Variants in MEIS2 observed in about 807,000 individuals in gnomAD.
MEIS2 encodes homeobox protein Meis2.
A neutral mutation model predicts 58.6 loss-of-function variants in MEIS2; 9 were observed. The ratio of observed to expected loss-of-function variants is 0.15; its 90% CI spans 0.09 to 0.27. The LOEUF (loss-of-function observed/expected upper bound fraction) is 0.27. MEIS2 is among the 10% of genes least tolerant of loss of function. The pLI is 1.00. For synonymous variants in MEIS2, 221 were observed against 228.4 expected (o/e 0.97, Z 0.29); for missense variants, 427 against 635.0 (o/e 0.67, Z 3.52).
intron 9 of MEIS2, among the ~76,000 whole-genome samples, chr15:36,932,128 AGAG>A (rs1225305255): frequency 3.3e-5 from 5 of 152,360 alleles, no homozygotes; most frequent in Admixed American, 1.3e-4. Flanking sequence ...GTCACCATTT[AGAG>A]GAGAATAATT....
chr15:36,908,535 T>C (rs2056851327), intron 9 of MEIS2, among the ~76,000 whole-genome samples: 1 of 152,230 alleles, frequency 6.6e-6, no homozygotes, highest in South Asian at 2.1e-4. Context: ...TTTTACAGCA[T>C]ATTCAGATTT....
chr15:37,100,395 G>A lies in MEIS2; in HGVS notation c.-929C>T, dbSNP rs1894954484. 1 of 153,210 alleles carries A rather than the reference G, an allele frequency of 6.5e-6. No individual in the cohort carries two copies. The highest frequency in any genetic ancestry group is 2.4e-5 in the African/African-American group (1 of 41,424). The allele number at this position is 153,210 out of a possible 1,614,324, so 9.5% of individuals were successfully genotyped here. ...CTGCCTGGCTTATTGAAGAGCCTCAGTTTGGCGGCGCGGGTCGGCGGCGGG... is the reference window on the plus strand; with the variant it reads ...CTGCCTGGCTTATTGAAGAGCCTCAATTTGGCGGCGCGGGTCGGCGGCGGG... On this transcript the variant is annotated 5_prime_UTR_variant, in exon 1 of 12. Coordinates refer to ENST00000561208, the MANE Select transcript of MEIS2 (RefSeq NM_170675.5).
In MEIS2 at chr15:37,031,815, TTGTGTGTGTGTGTGTG is replaced by T. The variant is rs66770353; in HGVS notation, c.900+4983_900+4998del. On this transcript the variant is annotated intron_variant, in intron 8 of 11. Transcript: ENST00000561208. ...GCTGCATACATAATATTACATCACT[TTGTGTGTGTGTGTGTG>T]TGTGTGTGTGTGTGTGTGTGTGTGT... 2.5e-3 allele frequency among the ~76,000 whole-genome samples: 335 copies of T among 134,204 alleles called. 1 individual carries two copies. Among genetic ancestry groups the T allele is most frequent in the African/African-American group, 8.3e-3 (298 of 35,700 alleles). 88.0% of individuals were successfully genotyped at this position (134,204 alleles called of 152,430 possible).
intron 8 of MEIS2, among the ~76,000 whole-genome samples, chr15:36,963,097 A>C (rs1228775783): frequency 6.6e-6 from 1 of 152,144 alleles, no homozygotes; most frequent in Non-Finnish European, 1.5e-5. Context: ...AAACTTGGCC[A>C]GGTGCTGTGG....
chr15:36,921,731 A>G (rs1006580359), intron 9 of MEIS2, among the ~76,000 whole-genome samples: 5 of 152,030 alleles, frequency 3.3e-5, no homozygotes, highest in Non-Finnish European at 7.4e-5. Context: ...TTGAAAAAAA[A>G]AAAAATGAAA....
At position 36,890,124 on chromosome 15, in the gene MEIS2, T is replaced by C. The variant is rs1176779780; in HGVS notation, c.*2049A>G. 6.6e-6 allele frequency: 1 copy of C among 152,202 alleles called. No individual in the cohort carries two copies. The highest frequency in any genetic ancestry group is 2.4e-5 in the African/African-American group (1 of 41,452). 9.4% of individuals were successfully genotyped at this position (152,202 alleles called of 1,614,324 possible). On this transcript the variant is annotated 3_prime_UTR_variant, in exon 12 of 12. Coordinates refer to ENST00000561208, the MANE Select transcript of MEIS2 (RefSeq NM_170675.5). ...TCTTCCAAGTTTAAGTTTGCAGAGA[T>C]GATGAATAATTTCCTTAGCCGGTTG...
intron 7 of MEIS2, among the ~76,000 whole-genome samples, chr15:37,078,011 T>C (rs1891648214): frequency 6.6e-6 from 1 of 152,072 alleles, no homozygotes; most frequent in Non-Finnish European, 1.5e-5. Flanking sequence ...ACTATACTTT[T>C]CCCCATAGAA....
chr15:37,019,682 A>G (rs1371254175), intron 8 of MEIS2, among the ~76,000 whole-genome samples: 2 of 152,090 alleles, frequency 1.3e-5, no homozygotes, highest in Non-Finnish European at 2.9e-5. Flanking sequence ...TAGTGTGGGG[A>G]GGAAGAGAGC....
chr15:36,927,840 ATCCTG>A (rs2057808724), intron 9 of MEIS2, among the ~76,000 whole-genome samples: 1 of 152,184 alleles, frequency 6.6e-6, no homozygotes, highest in African/African-American at 2.4e-5. Context: ...CCTGTAATAG[ATCCTG>A]TCAGCTGTTT....
In MEIS2 at chr15:37,054,906, C is replaced by A. The variant is rs146891238; in HGVS notation, c.755-17947G>T. ...CTCTAAGTGTTTTCTAGAATAACGA[C>A]AGCATTAATACAAAATAATATTTAT... is the stretch of plus-strand genomic sequence containing the variant. On this transcript the variant is annotated intron_variant, in intron 7 of 11. Coordinates refer to ENST00000561208, the MANE Select transcript of MEIS2 (RefSeq NM_170675.5). Among the ~76,000 whole-genome samples the A allele has an allele frequency of 3.9e-5, 6 of 152,314 alleles. No homozygotes were observed. In the East Asian group the frequency reaches 1.2e-3, roughly 29 times the overall value.
At chr15:37,027,171 G>A (rs959878128) in intron 8 of MEIS2, among the ~76,000 whole-genome samples, 2 of 152,166 alleles carry the variant, frequency 1.3e-5, no homozygotes, top group Non-Finnish European at 2.9e-5. Flanking sequence ...AGGAGAAATG[G>A]GGCTGGATAT....
intron 8 of MEIS2, among the ~76,000 whole-genome samples, chr15:36,980,102 T>C (rs1427896552): frequency 1.3e-5 from 2 of 152,000 alleles, no homozygotes; most frequent in Non-Finnish European, 2.9e-5. Context: ...TGGGGTACTT[T>C]TTTCTAACTT....
chr15:37,054,721 CTT>C (rs1229476230), intron 7 of MEIS2, among the ~76,000 whole-genome samples: 1 of 152,148 alleles, frequency 6.6e-6, no homozygotes, highest in African/African-American at 2.4e-5. Context: ...CCCAGCATAA[CTT>C]TGTGTGTTTT....
At chr15:37,005,600 G>A (rs920103866) in intron 8 of MEIS2, among the ~76,000 whole-genome samples, 1 of 152,028 alleles carries the variant, frequency 6.6e-6, no homozygotes, top group Non-Finnish European at 1.5e-5. Flanking sequence ...GTCTCCCTCT[G>A]TCAACCAGGC....
rs79104084 is a variant in MEIS2, at chr15:36,892,487, G to T, written c.1148-28C>A. On this transcript the variant is annotated intron_variant, in intron 11 of 11. Coordinates refer to ENST00000561208, the MANE Select transcript of MEIS2 (RefSeq NM_170675.5). ...GAAAATAGAGAGGGAAAAAGAAAGCGGGTCAAATTCCTAAACATTTTTATA... is the reference window on the plus strand; with the variant it reads ...GAAAATAGAGAGGGAAAAAGAAAGCTGGTCAAATTCCTAAACATTTTTATA... 8,967 of 1,596,318 alleles carry T rather than the reference G, an allele frequency of 5.6e-3. 47 individuals are homozygous for T. The highest frequency in any genetic ancestry group is 0.023 in the Middle Eastern group (116 of 4,978).
intron 7 of MEIS2, among the ~76,000 whole-genome samples, chr15:37,070,740 T>C (rs1432333476): frequency 2.0e-5 from 3 of 152,126 alleles, no homozygotes; most frequent in Non-Finnish European, 2.9e-5. Flanking sequence ...GCAACAATGC[T>C]AAAAAAATTT....
intron 9 of MEIS2, among the ~76,000 whole-genome samples, chr15:36,946,234 A>T (rs1386965089): frequency 6.6e-6 from 1 of 151,950 alleles, no homozygotes; most frequent in Non-Finnish European, 1.5e-5. Flanking sequence ...TCAAGCAAGG[A>T]TTTCCTCATT....
chr15:37,015,483 C>CA (rs2061318418), intron 8 of MEIS2, among the ~76,000 whole-genome samples: 1 of 126,276 alleles, frequency 7.9e-6, no homozygotes, highest in Non-Finnish European at 1.8e-5. Context: ...CACACACACA[C>CA]AAACACACTT....
intron 9 of MEIS2, among the ~76,000 whole-genome samples, chr15:36,940,901 A>G (rs2058351440): frequency 6.6e-6 from 1 of 152,150 alleles, no homozygotes; most frequent in South Asian, 2.1e-4. Context: ...TTTGGTGCTA[A>G]TTATTTTACA....
Sources: allele counts gnomAD v4.1 joint callset (sites outside exome capture counted in the v4.1 genomes callset), GRCh38; gene constraint gnomAD v4.1.1; transcripts MANE v1.5; gene names NCBI Gene and HGNC (gene_info 2026-07-23, HGNC 2026-07-21).